KLRG1: variants seen among roughly 807,000 people sequenced by gnomAD.
KLRG1 encodes the protein killer cell lectin like receptor G1, also known as killer cell lectin-like receptor subfamily G member 1.
In KLRG1, 16 loss-of-function variants were observed where a neutral mutation model predicts 21.8. The ratio of observed to expected loss-of-function variants is 0.73; its 90% CI spans 0.50 to 1.11. The LOEUF (loss-of-function observed/expected upper bound fraction) is 1.11, where lower values mean the gene tolerates loss of function less well. Ranked by LOEUF, KLRG1 falls within the 50% of genes most tolerant of loss-of-function variation. KLRG1 has a pLI of 0.00. For missense variants in KLRG1, 173 were observed against 218.3 expected (o/e 0.79, Z 1.31); for synonymous variants, 69 against 75.9 (o/e 0.91, Z 0.47).
the KLRG1 span, chr12:9,091,260 G>T: frequency 9.9e-6 from 16 of 1,614,126 alleles, no homozygotes; most frequent in African/African-American, 2.1e-4. Context: ...GCCTCTCCAC[G>T]AATCACAGAG....
chr12:9,099,231 TC>T, the KLRG1 span: 2 of 333,486 alleles, frequency 6.0e-6, 1 homozygote, highest in Non-Finnish European at 1.1e-5. Context: ...TGATTCTGCT[TC>T]TTAGTGTGAC....
At chr12:9,104,420 G>T in the KLRG1 span, 2 of 1,565,634 alleles carry the variant, frequency 1.3e-6, no homozygotes, top group Non-Finnish European at 1.7e-6. Context: ...AAAAGCTGTG[G>T]ATTAGTTATA....
At chr12:9,184,430 G>C in the KLRG1 span, among the ~76,000 whole-genome samples, 12 of 152,224 alleles carry the variant, frequency 7.9e-5, no homozygotes, top group African/African-American at 2.7e-4. Flanking sequence ...CACCGTCAGT[G>C]CAAATGCATG....
At chr12:9,090,053 GCATCTTCCCCTTCCTC>G in the KLRG1 span, 31 of 1,567,270 alleles carry the variant, frequency 2.0e-5, no homozygotes, top group Non-Finnish European at 2.6e-5. Context: ...GAAATGAATA[GCATCTTCCCCTTCCTC>G]CATGCCTCCA....
the KLRG1 span, among the ~76,000 whole-genome samples, chr12:9,016,172 ATGAAAT>A: frequency 6.6e-6 from 1 of 152,142 alleles, no homozygotes; most frequent in African/African-American, 2.4e-5. Flanking sequence ...GGAGAAGTAA[ATGAAAT>A]TGACATGAAA....
intron 1 of KLRG1, among the ~76,000 whole-genome samples, chr12:8,983,110 G>GT (rs1050141733): frequency 1.9e-4 from 28 of 150,754 alleles, no homozygotes; most frequent in African/African-American, 4.1e-4. Context: ...TTTACTTTCT[G>GT]TTTTTTTTAA....
chr12:9,069,799 G>A, the KLRG1 span: 3 of 1,613,282 alleles, frequency 1.9e-6, no homozygotes, highest in South Asian at 1.1e-5. Flanking sequence ...GGCTCACATG[G>A]TTAGATCTTT....
chr12:9,027,258 C>CA, the KLRG1 span, among the ~76,000 whole-genome samples: 4,528 of 134,540 alleles, frequency 0.034, 149 homozygotes, highest in African/African-American at 0.09. Flanking sequence ...AGCATGGGTG[C>CA]AAAAAAAAAA....
At chr12:9,094,988 G>A in the KLRG1 span, 8 of 1,561,930 alleles carry the variant, frequency 5.1e-6, no homozygotes, top group South Asian at 2.5e-5. Flanking sequence ...AAACCTACAC[G>A]TAGACCTTCA....
At chr12:8,988,047 A>G (rs1389288814), upstream of KLRG1, among the ~76,000 whole-genome samples, 1 of 152,154 alleles carries the variant, frequency 6.6e-6, no homozygotes, top group African/African-American at 2.4e-5. Context: ...TGCAGGAACT[A>G]TCTCAGCTTG....
At chr12:9,101,039 C>T in the KLRG1 span, 4 of 1,078,780 alleles carry the variant, frequency 3.7e-6, no homozygotes, top group Non-Finnish European at 5.3e-6. Flanking sequence ...CACCTGTTCC[C>T]CCAAAAACCT....
At chr12:9,151,725 G>C in the KLRG1 span, 1 of 1,428,602 alleles carries the variant, frequency 7.0e-7, no homozygotes, top group African/African-American at 1.4e-5. Flanking sequence ...TGTGAGAATG[G>C]TGTGAGATCT....
chr12:9,182,419 C>CATAT, the KLRG1 span, among the ~76,000 whole-genome samples: 1 of 151,810 alleles, frequency 6.6e-6, no homozygotes, highest in Non-Finnish European at 1.5e-5. Flanking sequence ...AAATTTTCTG[C>CATAT]ATATATATGT....
the KLRG1 span, chr12:9,077,533 G>A: frequency 8.2e-6 from 12 of 1,464,198 alleles, no homozygotes; most frequent in Non-Finnish European, 1.1e-5. Context: ...CATCCCTATA[G>A]GGCAAAGTAT....
chr12:9,038,903 CAA>C, the KLRG1 span, among the ~76,000 whole-genome samples: 1,593 of 136,930 alleles, frequency 0.012, 29 homozygotes, highest in African/African-American at 0.039. Flanking sequence ...GACTCTGTCT[CAA>C]AAAAAAAAAA....
At chr12:9,202,326 T>C in the KLRG1 span, 7 of 1,613,906 alleles carry the variant, frequency 4.3e-6, no homozygotes, top group Non-Finnish European at 5.9e-6. Flanking sequence ...TACCAGTTCA[T>C]TTCGAGGGCG....
chr12:9,065,569 G>A, the KLRG1 span, among the ~76,000 whole-genome samples: 1 of 152,222 alleles, frequency 6.6e-6, no homozygotes, highest in Non-Finnish European at 1.5e-5. Context: ...TGGGAGGGAG[G>A]CTGAGAGGGG....
At chr12:9,034,134 C>G in the KLRG1 span, among the ~76,000 whole-genome samples, 3 of 152,190 alleles carry the variant, frequency 2.0e-5, no homozygotes, top group South Asian at 4.1e-4. Context: ...AGAAGAGATA[C>G]ATACAGTCAT....
intron 1 of KLRG1, among the ~76,000 whole-genome samples, chr12:8,980,767 C>T (rs77523572): frequency 0.014 from 2,130 of 152,242 alleles, 62 homozygotes; most frequent in African/African-American, 0.049. Context: ...GCAGCTCCAT[C>T]GGCTGGTGTC....
Sources: allele counts gnomAD v4.1 joint callset (sites outside exome capture counted in the v4.1 genomes callset), GRCh38; gene constraint gnomAD v4.1.1; transcripts MANE v1.5; gene names NCBI Gene and HGNC (gene_info 2026-07-23, HGNC 2026-07-21).